SPECC1L: variants seen among roughly 807,000 people sequenced by gnomAD.
The protein encoded by SPECC1L is sperm antigen with calponin homology and coiled-coil domains 1 like, also known as cytospin-A.
SPECC1L carries 40 observed loss-of-function variants against 116.8 expected under a neutral mutation model. The ratio of observed to expected loss-of-function variants is 0.34; its 90% CI spans 0.27 to 0.45. The LOEUF (loss-of-function observed/expected upper bound fraction) is 0.45, where lower values mean the gene tolerates loss of function less well. Among genes scored for constraint, SPECC1L ranks in the 20% least tolerant of loss-of-function variants. SPECC1L has a pLI of 1.00. For missense variants in SPECC1L, 1,110 were observed against 1,373.6 expected, an observed-to-expected ratio of 0.81 and a Z score of 3.03; for synonymous variants, 504 against 500.6, an observed-to-expected ratio of 1.01 and a Z score of -0.09.
At chr22:24,298,056 C>T (rs950852433) in intron 2 of SPECC1L, among the ~76,000 whole-genome samples, 23 of 152,074 alleles carry the variant, frequency 1.5e-4, no homozygotes, top group Admixed American at 1.3e-3. Context: ...TACTGTGGTT[C>T]GACCTAAGAT....
chr22:24,413,091 A>C (rs891470847), intron 16 of SPECC1L, among the ~76,000 whole-genome samples: 1 of 152,230 alleles, frequency 6.6e-6, no homozygotes, highest in African/African-American at 2.4e-5. Context: ...CCACACCAGC[A>C]GGTCCATCTG....
At chr22:24,287,996 C>G (rs2049075440) in intron 2 of SPECC1L, among the ~76,000 whole-genome samples, 1 of 152,090 alleles carries the variant, frequency 6.6e-6, no homozygotes, top group Non-Finnish European at 1.5e-5. Flanking sequence ...TCCGGGAGAT[C>G]AGAGAGAGCC....
intron 1 of SPECC1L, among the ~76,000 whole-genome samples, chr22:24,271,900 A>G (rs1245278150): frequency 6.6e-6 from 1 of 152,234 alleles, no homozygotes; most frequent in Non-Finnish European, 1.5e-5. Flanking sequence ...TCCCAAGCTT[A>G]TAACAGATAC....
At position 24,322,240 on chromosome 22, in the gene SPECC1L, G is replaced by A; in HGVS notation, c.1260G>A (p.Glu420=). ...TSEELQATLQ[E]LADLQQITQE... is the part of the protein sequence containing the mutation. Reference sequence around the variant, plus strand: ...AGGAACTCCAGGCAACCCTGCAAGAGCTAGCTGATTTACAGCAGATTACCC... The same window carrying A: ...AGGAACTCCAGGCAACCCTGCAAGAACTAGCTGATTTACAGCAGATTACCC... Residue 420 remains glutamate, a synonymous_variant, in exon 5 of 17, where the codon GAG becomes GAA. Transcript: ENST00000314328. 6.2e-7 allele frequency: 1 copy of A among 1,614,200 alleles called. No individual in the cohort carries two copies. The highest frequency in any genetic ancestry group is 8.5e-7 in the Non-Finnish European group (1 of 1,180,046).
intron 4 of SPECC1L, among the ~76,000 whole-genome samples, chr22:24,315,691 C>T (rs1317030911): frequency 6.6e-6 from 1 of 152,232 alleles, no homozygotes; most frequent in Non-Finnish European, 1.5e-5. Context: ...GGATTAGCTG[C>T]CCCAGTATGG....
chr22:24,379,672 C>T (rs1208323307), intron 14 of SPECC1L, among the ~76,000 whole-genome samples: 3 of 152,124 alleles, frequency 2.0e-5, no homozygotes, highest in Non-Finnish European at 4.4e-5. Context: ...TGGCTACAAA[C>T]CCAATTCTCT....
At chr22:24,364,979 A>G (rs1346942812) in intron 12 of SPECC1L, among the ~76,000 whole-genome samples, 1 of 152,124 alleles carries the variant, frequency 6.6e-6, no homozygotes, top group Non-Finnish European at 1.5e-5. Flanking sequence ...GCATATTTCA[A>G]CTATGCCTTT....
chr22:24,302,389 T>G lies in SPECC1L; in HGVS notation c.153+5T>G, dbSNP rs143374533. On this transcript the variant is annotated splice_donor_5th_base_variant and intron_variant, in intron 3 of 16. Transcript: ENST00000314328. ...ACAGCAGCATCATTGTCAAAGGTAT[T>G]CATGTGATGTTTGAATACATGATGG... 3.6e-3 allele frequency: 5,852 copies of G among 1,614,030 alleles called. 15 individuals are homozygous for G. Among genetic ancestry groups the G allele is most frequent in the Non-Finnish European group, 4.5e-3 (5,338 of 1,179,974 alleles).
intron 2 of SPECC1L, among the ~76,000 whole-genome samples, chr22:24,288,008 T>C (rs2049075889): frequency 2.0e-5 from 3 of 152,152 alleles, no homozygotes. Flanking sequence ...GAGAGAGCCC[T>C]TCCTGGAACT....
intron 11 of SPECC1L, among the ~76,000 whole-genome samples, chr22:24,357,380 G>A (rs2041552852): frequency 6.6e-6 from 1 of 152,144 alleles, no homozygotes; most frequent in Non-Finnish European, 1.5e-5. Context: ...GAGCAACATA[G>A]TGAGACTTCA....
intron 10 of SPECC1L, among the ~76,000 whole-genome samples, chr22:24,344,334 A>G (rs1465245539): frequency 1.6e-5 from 2 of 128,422 alleles, no homozygotes; most frequent in South Asian, 2.9e-4. Context: ...TAAAAGAGGG[A>G]AAAAAAATTA....
At chr22:24,300,447 G>A (rs1601518367) in intron 2 of SPECC1L, among the ~76,000 whole-genome samples, 1 of 152,278 alleles carries the variant, frequency 6.6e-6, no homozygotes, top group East Asian at 1.9e-4. Context: ...CATACCGTGT[G>A]CTTGTATCTT....
rs1219597545 is a variant in SPECC1L, at chr22:24,415,436, G to A, written c.*813G>A. The A allele has an allele frequency of 1.3e-5, 2 of 152,624 alleles. No individual in the cohort carries two copies. The highest frequency in any genetic ancestry group is 2.9e-5 in the Non-Finnish European group (2 of 68,092). The allele number at this position is 152,624 out of a possible 1,614,324, so 9.5% of individuals were successfully genotyped here. A position where few individuals can be genotyped will look rare whatever the true frequency, so the allele number is the denominator to read the frequency against. ...TTTTTCTAGTTAACATTTTTGTTTT[G>A]TTACGAGCAATGCTGGAAAAGGTCG... On this transcript the variant is annotated 3_prime_UTR_variant, in exon 17 of 17. Coordinates refer to ENST00000314328, the MANE Select transcript of SPECC1L (RefSeq NM_015330.6).
chr22:24,399,682 C>T (rs1006137248), intron 14 of SPECC1L, among the ~76,000 whole-genome samples: 3 of 152,188 alleles, frequency 2.0e-5, no homozygotes, highest in African/African-American at 7.2e-5. Flanking sequence ...ATGCTTGCTA[C>T]TTTGAGCATA....
At chr22:24,298,268 A>G (rs1005041691) in intron 2 of SPECC1L, among the ~76,000 whole-genome samples, 1 of 152,228 alleles carries the variant, frequency 6.6e-6, no homozygotes, top group African/African-American at 2.4e-5. Flanking sequence ...GGTAAAGTGT[A>G]TTAAATGCAT....
rs148323350 is a variant in SPECC1L, at chr22:24,328,904, C to T, written c.2205C>T (p.Leu735=). 1,158 of 1,613,036 alleles carry T rather than the reference C, an allele frequency of 7.2e-4. 11 individuals are homozygous for T. In the African/African-American group the frequency reaches 0.014, roughly 19 times the overall value. ...ACATGGAAAGAGAAATAAAGACACT[C>T]CACAGAAGACTTCGGGTAGGATAAA... ...KHDMEREIKT[L]HRRLREESAE... is the part of the protein sequence containing the mutation. The change falls in exon 7 of 17, where the codon CTC becomes CTT. Residue 735 remains leucine (L), a synonymous_variant. Transcript: ENST00000314328.
intron 2 of SPECC1L, among the ~76,000 whole-genome samples, chr22:24,279,983 C>T (rs1159853350): frequency 6.6e-6 from 1 of 152,320 alleles, no homozygotes; most frequent in Admixed American, 6.5e-5. Flanking sequence ...TTTTCTTCCT[C>T]ATTTCTTTTT....
At chr22:24,412,405 A>G in intron 15 of SPECC1L, 1 of 598,260 alleles carries the variant, frequency 1.7e-6, no homozygotes, top group South Asian at 1.9e-5. Context: ...AGGATTCTTC[A>G]GGAGTGAGGA....
At chr22:24,371,305 TC>T (rs915822738) in intron 14 of SPECC1L, among the ~76,000 whole-genome samples, 59 of 152,220 alleles carry the variant, frequency 3.9e-4, no homozygotes, top group African/African-American at 1.4e-3. Flanking sequence ...AAAACTAGTC[TC>T]ATTAAATTTA....
Sources: gnomAD v4.1 joint callset for allele counts (sites outside exome capture counted in the v4.1 genomes callset) on GRCh38, gnomAD v4.1.1 for gene constraint, MANE v1.5 for transcripts, NCBI Gene and HGNC (gene_info 2026-07-23, HGNC 2026-07-21) for gene names.